The following GRIK1 variants were observed in gnomAD, a reference collection of about 807,000 sequenced individuals.
GRIK1 encodes glutamate ionotropic receptor kainate type subunit 1.
GRIK1 carries 69 observed loss-of-function variants against 105.7 expected under a neutral mutation model. The ratio of observed to expected loss-of-function variants is 0.65; its 90% CI spans 0.54 to 0.80. The LOEUF (loss-of-function observed/expected upper bound fraction) is 0.80, where lower values mean the gene tolerates loss of function less well. GRIK1 is among the 30% of genes least tolerant of loss of function. The pLI is 0.00. For missense variants in GRIK1, 1,109 were observed against 1,167.3 expected, an observed-to-expected ratio of 0.95 and a Z score of 0.73; for synonymous variants, 438 against 431.3, an observed-to-expected ratio of 1.02 and a Z score of -0.19.
intron 1 of GRIK1, among the ~76,000 whole-genome samples, chr21:29,757,688 G>A (rs950015613): frequency 5.3e-5 from 8 of 152,150 alleles, no homozygotes; most frequent in African/African-American, 1.9e-4. Flanking sequence ...TTCCCCCAGA[G>A]GACTTAACTT....
chr21:29,767,818 GTGTGTGTGTGTGTT>G (rs1196981892), intron 1 of GRIK1, among the ~76,000 whole-genome samples: 4 of 151,838 alleles, frequency 2.6e-5, no homozygotes, highest in African/African-American at 9.7e-5. Context: ...ATGTATGTGT[GTGTGTGTGTGTGTT>G]TGTGTGTGTG....
intron 1 of GRIK1, among the ~76,000 whole-genome samples, chr21:29,911,311 A>G (rs2070807239): frequency 6.6e-6 from 1 of 152,064 alleles, no homozygotes; most frequent in Non-Finnish European, 1.5e-5. Flanking sequence ...TTACATCTAC[A>G]TTGAATAATA....
intron 7 of GRIK1, among the ~76,000 whole-genome samples, chr21:29,635,935 C>T (rs563389220): frequency 1.2e-3 from 184 of 152,114 alleles, no homozygotes; most frequent in Non-Finnish European, 2.2e-3. Context: ...AACAGGAACT[C>T]ATAGAGTCAA....
At chr21:29,775,190 C>T (rs1016631655) in intron 1 of GRIK1, among the ~76,000 whole-genome samples, 2 of 151,010 alleles carry the variant, frequency 1.3e-5, no homozygotes, top group African/African-American at 4.9e-5. Flanking sequence ...CACCTGTAAT[C>T]CCAGCTACTC....
At chr21:29,537,562 G>T in intron 17 of GRIK1, 177 bp from the exon 18 acceptor site, 1 of 651,986 alleles carries the variant, frequency 1.5e-6, no homozygotes, top group South Asian at 1.9e-5. Flanking sequence ...TTTTCTAATC[G>T]GGGAAACTGA....
At chr21:29,774,460 T>C (rs2065891937) in intron 1 of GRIK1, among the ~76,000 whole-genome samples, 1 of 148,192 alleles carries the variant, frequency 6.7e-6, no homozygotes, top group South Asian at 2.2e-4. Flanking sequence ...TTTTTTTTTT[T>C]TTTTTTTCTG....
rs140205171 is a variant in GRIK1 at position 29,916,687 on chromosome 21, C to T, written c.118+22696G>A. 2.3e-4 allele frequency among the ~76,000 whole-genome samples: 34 copies of T among 149,990 alleles called. No homozygotes were observed. In the East Asian group the frequency reaches 3.5e-3, roughly 15 times the overall value. On this transcript the variant is annotated intron_variant, in intron 1 of 17. Transcript: ENST00000327783. ...TTGATAGTAATTCATCTTATTGTGA[C>T]TAAATCTCTTGTAAGAACTCTGTCT... is the stretch of plus-strand genomic sequence containing the variant.
intron 6 of GRIK1, among the ~76,000 whole-genome samples, chr21:29,650,654 T>A (rs1601371407): frequency 6.6e-6 from 1 of 152,190 alleles, no homozygotes; most frequent in Admixed American, 6.5e-5. Flanking sequence ...CCTATACGCA[T>A]CCAGGACAGG....
chr21:29,784,346 A>C (rs2066203160), intron 1 of GRIK1, among the ~76,000 whole-genome samples: 1 of 152,146 alleles, frequency 6.6e-6, no homozygotes. Context: ...TCAAAGGGTA[A>C]ATGCGTTTGG....
At chr21:29,588,549 C>T (rs1568854259) in intron 11 of GRIK1, among the ~76,000 whole-genome samples, 1 of 152,162 alleles carries the variant, frequency 6.6e-6, no homozygotes, top group Admixed American at 6.5e-5. Flanking sequence ...GAGGCCTCTC[C>T]AGCCATGAGG....
intron 2 of GRIK1, among the ~76,000 whole-genome samples, chr21:29,691,265 A>G (rs1485695104): frequency 6.6e-6 from 1 of 152,196 alleles, no homozygotes; most frequent in Non-Finnish European, 1.5e-5. Context: ...GAACTGAGAT[A>G]GCACCACAGA....
chr21:29,656,186 C>A (rs1222556301), intron 4 of GRIK1, among the ~76,000 whole-genome samples: 1 of 150,846 alleles, frequency 6.6e-6, no homozygotes, highest in Non-Finnish European at 1.5e-5. Flanking sequence ...CACGGTGAAA[C>A]CCCGTCTCTA....
rs145649759 is a variant in GRIK1 at position 29,561,785 on chromosome 21, A to G, written c.2195T>C (p.Leu732Pro). The stretch of plus-strand genomic sequence containing the variant: ...GATCCCCTCATCACTGTTTCTTACC[A>G]GGGCGGTCTGCTGCCTGCTGCTCAT... ...AFMSSRQQTALVRNSDEGIQR... is the reference protein window; with the variant it reads ...AFMSSRQQTAPVRNSDEGIQR... The change falls in exon 15 of 18, where the codon CTG becomes CCG. Residue 732 changes from leucine to proline, a missense_variant. This residue lies in a region of GRIK1 where 264 missense variants were observed against 306.9 expected (regional missense o/e 0.86). Coordinates refer to ENST00000327783, the MANE Select transcript of GRIK1 (RefSeq NM_001330994.2). The G allele has an allele frequency of 6.2e-7, 1 of 1,614,070 alleles. No individual in the cohort carries two copies. Among genetic ancestry groups the G allele is most frequent in the East Asian group, 2.2e-5 (1 of 44,880 alleles).
At chr21:29,769,320 C>T (rs11702223) in intron 1 of GRIK1, among the ~76,000 whole-genome samples, 60,412 of 151,966 alleles carry the variant, frequency 0.4, 14,138 homozygotes, top group South Asian at 0.55. Flanking sequence ...CAGAGACAGA[C>T]GCGTACAGAG....
chr21:29,743,973 T>C (rs1003881148), intron 1 of GRIK1, among the ~76,000 whole-genome samples: 4 of 152,106 alleles, frequency 2.6e-5, no homozygotes, highest in African/African-American at 9.7e-5. Context: ...GAATAACTAA[T>C]GGGTACTAGG....
chr21:29,632,512 T>TACAC (rs5843396), intron 7 of GRIK1, among the ~76,000 whole-genome samples: 1,860 of 149,952 alleles, frequency 0.012, 21 homozygotes, highest in South Asian at 0.033. Flanking sequence ...CAGACACAAA[T>TACAC]ACACACACAC....
chr21:29,780,557 G>C (rs1490056405), intron 1 of GRIK1, among the ~76,000 whole-genome samples: 2 of 152,158 alleles, frequency 1.3e-5, no homozygotes, highest in Admixed American at 6.5e-5. Flanking sequence ...CGGAGAATTT[G>C]CTAGGTATCC....
At chr21:29,563,627 A>G (rs2090539290) in intron 14 of GRIK1, among the ~76,000 whole-genome samples, 1 of 152,242 alleles carries the variant, frequency 6.6e-6, no homozygotes, top group African/African-American at 2.4e-5. Context: ...CTAAACTTAT[A>G]GTAAAAGAGC....
chr21:29,758,201 G>T (rs1329796557), intron 1 of GRIK1, among the ~76,000 whole-genome samples: 1 of 152,162 alleles, frequency 6.6e-6, no homozygotes, highest in African/African-American at 2.4e-5. Flanking sequence ...ACTAAGATTT[G>T]GGAAATAACA....
Sources: allele counts gnomAD v4.1 joint callset (sites outside exome capture counted in the v4.1 genomes callset), GRCh38; gene constraint gnomAD v4.1.1; regional missense constraint gnomAD v4.1.1; transcripts MANE v1.5; gene names NCBI Gene and HGNC (gene_info 2026-07-23, HGNC 2026-07-21).